Variants in FHIT observed in about 807,000 individuals in gnomAD.
The protein encoded by FHIT is fragile histidine triad diadenosine triphosphatase.
Under a neutral mutation model 17.9 loss-of-function variants are expected in FHIT, and 19 were observed. The ratio of observed to expected loss-of-function variants is 1.06; its 90% confidence interval spans 0.74 to 1.56. The LOEUF (loss-of-function observed/expected upper bound fraction) is 1.56. Ranked by LOEUF, FHIT falls within the 40% of genes most tolerant of loss-of-function variation. The probability of loss-of-function intolerance (pLI) is 0.00; values close to 1 mark genes in which losing one functional copy is unlikely to be tolerated. For synonymous variants in FHIT, 81 were observed against 69.7 expected (o/e 1.16, Z -0.81); for missense variants, 248 against 189.2 (o/e 1.31, Z -1.82).
At position 60,571,669 on chromosome 3, in the gene FHIT, G is replaced by C. The variant is rs140770363; in HGVS notation, c.-17-34690C>G. On this transcript the variant is annotated intron_variant, in intron 4 of 9. Coordinates refer to ENST00000492590, the MANE Select transcript of FHIT (RefSeq NM_002012.4). ...AAAGGCAGGCTTTAGAGGGAATAGA[G>C]AAACTTTTGGATTCAAAAGAAATAC... Among the ~76,000 whole-genome samples the C allele has an allele frequency of 2.0e-3, 299 of 152,194 alleles. 4 individuals carry two copies. The highest frequency in any genetic ancestry group is 6.5e-3 in the African/African-American group (272 of 41,548).
intron 5 of FHIT, among the ~76,000 whole-genome samples, chr3:60,292,264 A>T (rs2049849): frequency 0.61 from 92,248 of 152,022 alleles, 29,460 homozygotes; most frequent in East Asian, 0.95. Flanking sequence ...GTCTTTTTTT[A>T]AGCAAGGCTG....
intron 1 of FHIT, among the ~76,000 whole-genome samples, chr3:61,210,962 T>A (rs1164071318): frequency 1.3e-5 from 2 of 152,054 alleles, no homozygotes; most frequent in Non-Finnish European, 2.9e-5. Flanking sequence ...CCCCGTTTTT[T>A]ATTGACATAT....
chr3:60,780,612 C>T (rs1374475259), intron 4 of FHIT, among the ~76,000 whole-genome samples: 3 of 152,168 alleles, frequency 2.0e-5, no homozygotes, highest in African/African-American at 7.2e-5. Flanking sequence ...GACAATGGCC[C>T]TTTCTGCTGT....
intron 4 of FHIT, among the ~76,000 whole-genome samples, chr3:60,618,316 A>C (rs1318722530): frequency 6.6e-6 from 1 of 152,156 alleles, no homozygotes; most frequent in Non-Finnish European, 1.5e-5. Context: ...CCATTATTTG[A>C]TACAGGCTGT....
chr3:60,755,956 C>T (rs9850579), intron 4 of FHIT, among the ~76,000 whole-genome samples: 120,276 of 152,156 alleles, frequency 0.79, 47,597 homozygotes, highest in Admixed American at 0.83. Flanking sequence ...ATTAAACATA[C>T]ACCACCCTTA....
At chr3:60,491,331 C>T (rs1479676299) in intron 5 of FHIT, among the ~76,000 whole-genome samples, 1 of 151,828 alleles carries the variant, frequency 6.6e-6, no homozygotes, top group Non-Finnish European at 1.5e-5. Context: ...CTATGAAAAA[C>T]AGGGTTATAA....
intron 4 of FHIT, among the ~76,000 whole-genome samples, chr3:60,610,052 G>C (rs1184901909): frequency 1.3e-5 from 2 of 152,144 alleles, no homozygotes; most frequent in African/African-American, 4.8e-5. Flanking sequence ...GCTGTAGCTA[G>C]AGACCACACA....
At chr3:60,121,712 ACAC>A (rs757255959) in intron 5 of FHIT, among the ~76,000 whole-genome samples, 3 of 24,990 alleles carry the variant, frequency 1.2e-4, no homozygotes, top group African/African-American at 2.6e-4. Context: ...CAAAACAAAC[ACAC>A]ACACACACAC....
At chr3:60,657,314 G>C (rs928182368) in intron 4 of FHIT, among the ~76,000 whole-genome samples, 1 of 152,128 alleles carries the variant, frequency 6.6e-6, no homozygotes, top group East Asian at 1.9e-4. Context: ...GTTGCTAAAA[G>C]TTCTGTAGTG....
chr3:59,749,995 T>G (rs1431944071), intron 9 of FHIT: 3 of 223,060 alleles, frequency 1.3e-5, no homozygotes, highest in Non-Finnish European at 2.7e-5. Flanking sequence ...GCACAAAACC[T>G]TTAAAGAGAA....
chr3:60,388,350 A>G (rs1297849177), intron 5 of FHIT, among the ~76,000 whole-genome samples: 4 of 152,162 alleles, frequency 2.6e-5, no homozygotes, highest in Non-Finnish European at 5.9e-5. Flanking sequence ...CCATAATCCC[A>G]GCACTTTGGG....
intron 2 of FHIT, among the ~76,000 whole-genome samples, chr3:61,073,911 A>G (rs1282586501): frequency 6.6e-6 from 1 of 152,172 alleles, no homozygotes; most frequent in Non-Finnish European, 1.5e-5. Flanking sequence ...AATAGGGTCA[A>G]AGTAGTTAAA....
At chr3:60,362,998 G>C (rs1482842021) in intron 5 of FHIT, among the ~76,000 whole-genome samples, 1 of 152,118 alleles carries the variant, frequency 6.6e-6, no homozygotes, top group African/African-American at 2.4e-5. Context: ...GGTAAATCTA[G>C]CAATTGAAAA....
intron 5 of FHIT, among the ~76,000 whole-genome samples, chr3:60,377,718 T>TG (rs1204464352): frequency 1.3e-5 from 2 of 150,992 alleles, no homozygotes; most frequent in African/African-American, 4.9e-5. Flanking sequence ...CCTGACCTCG[T>TG]GATCCACCCG....
intron 5 of FHIT, among the ~76,000 whole-genome samples, chr3:60,353,224 C>T (rs777253100): frequency 6.6e-6 from 1 of 152,150 alleles, no homozygotes; most frequent in South Asian, 2.1e-4. Context: ...GAATCCTCCA[C>T]TGCTTCTCTA....
intron 1 of FHIT, among the ~76,000 whole-genome samples, chr3:61,234,360 A>G (rs940379690): frequency 6.6e-6 from 1 of 152,238 alleles, no homozygotes; most frequent in Admixed American, 6.5e-5. Context: ...AGGAAAACCT[A>G]TATGTTGACC....
rs925359527 is a variant in FHIT at position 60,420,243 on chromosome 3, T to C, written c.103+116617A>G. ...CTTGCTTTGCTAACTTTACAATATA[T>C]CATGTGCAATCATCCATAGCAGATA... On this transcript the variant is annotated intron_variant, in intron 5 of 9. Coordinates refer to ENST00000492590, the MANE Select transcript of FHIT (RefSeq NM_002012.4). Among the ~76,000 whole-genome samples the C allele has an allele frequency of 1.9e-4, 29 of 152,294 alleles. 1 individual carries two copies. Among genetic ancestry groups the C allele is most frequent in the Middle Eastern group, 3.4e-3 (1 of 294 alleles).
chr3:60,638,222 C>A (rs1473932213), intron 4 of FHIT, among the ~76,000 whole-genome samples: 1 of 152,140 alleles, frequency 6.6e-6, no homozygotes, highest in South Asian at 2.1e-4. Flanking sequence ...AAAGTAACAA[C>A]ACGACATGGA....
chr3:61,148,320 A>T (rs1375063932), intron 2 of FHIT, among the ~76,000 whole-genome samples: 1 of 152,114 alleles, frequency 6.6e-6, no homozygotes, highest in Admixed American at 6.6e-5. Flanking sequence ...CACCTAAAAC[A>T]AAGTATGCAG....
Sources: gnomAD v4.1 joint callset for allele counts (sites outside exome capture counted in the v4.1 genomes callset) on GRCh38, gnomAD v4.1.1 for gene constraint, MANE v1.5 for transcripts, NCBI Gene and HGNC (gene_info 2026-07-23, HGNC 2026-07-21) for gene names.